EXOC6: variants seen among roughly 807,000 people sequenced by gnomAD.
The protein encoded by EXOC6 is SEC15-like 1.
Under a neutral mutation model 112.5 loss-of-function variants are expected in EXOC6, and 60 were observed. The observed-to-expected ratio is 0.53, with a 90% CI of 0.43 to 0.66. The LOEUF is 0.66. EXOC6 is among the 30% of genes least tolerant of loss of function. The pLI is 0.00. For missense variants in EXOC6, 855 were observed against 957.1 expected (o/e 0.89, Z 1.41); for synonymous variants, 295 against 308.0 (o/e 0.96, Z 0.44).
At chr10:92,957,001 C>T (rs1407963982) in intron 17 of EXOC6, among the ~76,000 whole-genome samples, 2 of 152,034 alleles carry the variant, frequency 1.3e-5, no homozygotes, top group East Asian at 1.9e-4. Context: ...AAATGTATCC[C>T]TGCCCTCAAG....
intron 19 of EXOC6, among the ~76,000 whole-genome samples, chr10:93,003,684 G>A (rs974434550): frequency 6.6e-5 from 10 of 152,154 alleles, no homozygotes; most frequent in African/African-American, 1.9e-4. Context: ...GGCTGGGTAC[G>A]AGACAGGTAC....
At chr10:92,921,897 CA>C in intron 8 of EXOC6, among the ~76,000 whole-genome samples, 1 of 152,058 alleles carries the variant, frequency 6.6e-6, no homozygotes, top group South Asian at 2.1e-4. Flanking sequence ...TTCATTAGCA[CA>C]ATAACTTCTG....
chr10:92,875,749 CTAAA>C (rs1399701964), intron 1 of EXOC6, among the ~76,000 whole-genome samples: 1 of 151,970 alleles, frequency 6.6e-6, no homozygotes, highest in East Asian at 1.9e-4. Flanking sequence ...TGGACATGTA[CTAAA>C]TATTGAATAT....
intron 20 of EXOC6, among the ~76,000 whole-genome samples, chr10:93,022,275 T>TATG (rs1844825966): frequency 6.6e-6 from 1 of 152,176 alleles, no homozygotes; most frequent in Non-Finnish European, 1.5e-5. Context: ...AAAAATCTAT[T>TATG]ATGAAACATG....
intron 18 of EXOC6, among the ~76,000 whole-genome samples, chr10:92,980,540 T>C (rs1018551512): frequency 6.6e-6 from 1 of 152,224 alleles, no homozygotes; most frequent in African/African-American, 2.4e-5. Flanking sequence ...AAACTTGATA[T>C]TAGTTTTCAT....
chr10:92,916,966 T>C (rs1227602371), intron 7 of EXOC6, among the ~76,000 whole-genome samples: 1 of 151,746 alleles, frequency 6.6e-6, no homozygotes, highest in Non-Finnish European at 1.5e-5. Flanking sequence ...AATTTTTCTT[T>C]CTTTTTTTTT....
chr10:93,046,599 C>CTT (rs557988271), intron 20 of EXOC6, among the ~76,000 whole-genome samples: 41 of 142,844 alleles, frequency 2.9e-4, no homozygotes, highest in Admixed American at 5.6e-4. Context: ...TCATGGTTTC[C>CTT]TTTTTTTTTT....
At chr10:92,957,358 T>TCTTGA (rs1853750208) in intron 17 of EXOC6, among the ~76,000 whole-genome samples, 1 of 152,144 alleles carries the variant, frequency 6.6e-6, no homozygotes, top group African/African-American at 2.4e-5. Flanking sequence ...TTCAAGTAAT[T>TCTTGA]ATTCTTATCG....
chr10:92,896,175 ATATATATTTTTTTTTTTTTTTTTT>A lies in EXOC6; in HGVS notation c.412+1157_412+1180del, dbSNP rs1849800509. Among the ~76,000 whole-genome samples, 27 of 20,508 alleles carry A rather than the reference ATATATATTTTTTTTTTTTTTTTTT, an allele frequency of 1.3e-3. 1 individual carries two copies. The highest frequency in any genetic ancestry group is 4.0e-3 in the African/African-American group (20 of 4,944). 13.5% of individuals were successfully genotyped at this position (20,508 alleles called of 152,430 possible). A position where few individuals can be genotyped will look rare whatever the true frequency, so the allele number is the denominator to read the frequency against. On this transcript the variant is annotated intron_variant, in intron 4 of 21. Coordinates refer to ENST00000260762, the MANE Select transcript of EXOC6 (RefSeq NM_019053.6). ...TATATATATATATATATATATATAT[ATATATATTTTTTTTTTTTTTTTTT>A]TTTTTTTTTTTTTTTTTTGGCGGAG...
chr10:92,872,356 T>G lies in EXOC6; in HGVS notation c.102-20993T>G, dbSNP rs144673902. Among the ~76,000 whole-genome samples, 779 of 152,216 alleles carry G rather than the reference T, an allele frequency of 5.1e-3. 6 individuals are homozygous for G. The highest frequency in any genetic ancestry group is 0.015 in the African/African-American group (636 of 41,582). On this transcript the variant is annotated intron_variant, in intron 1 of 21. Coordinates refer to ENST00000260762, the MANE Select transcript of EXOC6 (RefSeq NM_019053.6). ...CTACTTTTATTACATTATAGTTAGA[T>G]CAATCTGTTTTTATTCTATTCTTTC...
intron 19 of EXOC6, among the ~76,000 whole-genome samples, chr10:93,004,627 T>A (rs1843896327): frequency 6.6e-6 from 1 of 152,234 alleles, no homozygotes; most frequent in South Asian, 2.1e-4. Flanking sequence ...GTAAATTTTC[T>A]TTGGATCTTT....
intron 20 of EXOC6, among the ~76,000 whole-genome samples, chr10:93,051,735 C>T (rs1846299617): frequency 1.3e-5 from 2 of 152,168 alleles, no homozygotes; most frequent in Admixed American, 1.3e-4. Context: ...CTTGAATTCC[C>T]AGTGGCAAAT....
At chr10:92,863,951 AG>A (rs1848042923) in intron 1 of EXOC6, among the ~76,000 whole-genome samples, 8 of 151,514 alleles carry the variant, frequency 5.3e-5, no homozygotes, top group Admixed American at 2.0e-4. Flanking sequence ...CAAAAAAAAA[AG>A]AAAAAAAACC....
At chr10:93,042,268 G>A (rs912250800) in intron 20 of EXOC6, among the ~76,000 whole-genome samples, 4 of 152,172 alleles carry the variant, frequency 2.6e-5, no homozygotes, top group African/African-American at 7.2e-5. Flanking sequence ...TTAAGACTCA[G>A]TTTGGGTGTC....
At chr10:92,880,211 G>A (rs957607830) in intron 1 of EXOC6, among the ~76,000 whole-genome samples, 8 of 152,220 alleles carry the variant, frequency 5.3e-5, no homozygotes, top group African/African-American at 1.7e-4. Context: ...ATACTCCCAT[G>A]TACTTTGTCA....
At chr10:92,948,143 T>C (rs1853150007) in intron 13 of EXOC6, 131 bp from the exon 14 acceptor site, 1 of 541,224 alleles carries the variant, frequency 1.8e-6, no homozygotes, top group Non-Finnish European at 3.2e-6. Context: ...AGGCAGTATC[T>C]TCCTGTTTGG....
chr10:92,954,086 G>C (rs1005246283), intron 15 of EXOC6, among the ~76,000 whole-genome samples: 4 of 152,102 alleles, frequency 2.6e-5, no homozygotes, highest in African/African-American at 9.7e-5. Flanking sequence ...TTTGAGACCA[G>C]CCTGGGCAAC....
chr10:92,942,902 A>G (rs1802924333), intron 13 of EXOC6, among the ~76,000 whole-genome samples: 1 of 152,208 alleles, frequency 6.6e-6, no homozygotes, highest in South Asian at 2.1e-4. Flanking sequence ...GATAGGATTA[A>G]TTTTATCCTC....
At chr10:92,983,614 T>C (rs552390183) in intron 18 of EXOC6, among the ~76,000 whole-genome samples, 1 of 151,942 alleles carries the variant, frequency 6.6e-6, no homozygotes, top group South Asian at 2.1e-4. Context: ...AAGTTATTCT[T>C]GTGCCCCAGC....
Sources: gnomAD v4.1 joint callset for allele counts (sites outside exome capture counted in the v4.1 genomes callset) on GRCh38, gnomAD v4.1.1 for gene constraint, MANE v1.5 for transcripts, NCBI Gene and HGNC (gene_info 2026-07-23, HGNC 2026-07-21) for gene names.